The following PDE4D variants were observed in gnomAD, a reference collection of about 807,000 sequenced individuals.
PDE4D encodes 3',5'-cyclic-AMP phosphodiesterase 4D.
PDE4D carries 24 observed loss-of-function variants against 87.4 expected under a neutral mutation model. The observed-to-expected ratio is 0.27, with a 90% CI of 0.20 to 0.39. The LOEUF is 0.39. PDE4D is among the 10% of genes least tolerant of loss of function. PDE4D has a pLI of 1.00. For missense variants in PDE4D, 714 were observed against 1,041.0 expected (o/e 0.69, Z 4.32); for synonymous variants, 384 against 383.2 (o/e 1.00, Z -0.02).
chr5:60,509,858 C>T (rs981331747), intron 1 of PDE4D, among the ~76,000 whole-genome samples: 2 of 152,150 alleles, frequency 1.3e-5, no homozygotes, highest in African/African-American at 4.8e-5. Flanking sequence ...ATACTTGGCC[C>T]AGTGAGCCTC....
intron 1 of PDE4D, among the ~76,000 whole-genome samples, chr5:59,576,073 C>A (rs2153698155): frequency 6.6e-6 from 1 of 152,268 alleles, no homozygotes; most frequent in East Asian, 1.9e-4. Context: ...CCTAGGCAAC[C>A]TGGTTAACCA....
At chr5:59,252,537 T>C (rs11959567) in intron 1 of PDE4D, among the ~76,000 whole-genome samples, 48,098 of 151,238 alleles carry the variant, frequency 0.32, 8,171 homozygotes, top group Admixed American at 0.41. Flanking sequence ...GTTTTTTTTT[T>C]CCCCGAGATG....
intron 1 of PDE4D, among the ~76,000 whole-genome samples, chr5:59,418,275 C>T (rs1356207388): frequency 6.6e-6 from 1 of 152,274 alleles, no homozygotes; most frequent in African/African-American, 2.4e-5. Flanking sequence ...AATATAGTCT[C>T]ATTCTCCTTT....
chr5:59,617,445 T>G (rs1315426177), intron 1 of PDE4D, among the ~76,000 whole-genome samples: 1 of 152,180 alleles, frequency 6.6e-6, no homozygotes, highest in African/African-American at 2.4e-5. Flanking sequence ...AGAAATCATG[T>G]GTTGAAGTCC....
intron 2 of PDE4D, among the ~76,000 whole-genome samples, chr5:60,014,133 A>G (rs1397463953): frequency 2.6e-5 from 4 of 151,126 alleles, no homozygotes. Flanking sequence ...AGTCTGAATC[A>G]GCCATACTAT....
intron 1 of PDE4D, among the ~76,000 whole-genome samples, chr5:60,450,104 T>A (rs910640550): frequency 2.7e-5 from 4 of 149,742 alleles, no homozygotes; most frequent in African/African-American, 7.3e-5. Context: ...ATCTAAATAA[T>A]CAGAAGTTCA....
At chr5:59,477,472 T>C (rs982900373) in intron 1 of PDE4D, among the ~76,000 whole-genome samples, 4 of 151,842 alleles carry the variant, frequency 2.6e-5, no homozygotes, top group South Asian at 2.1e-4. Flanking sequence ...AAAAAATACA[T>C]TGGCTAGGTT....
In PDE4D at chr5:60,116,862, G is replaced by A. The variant is rs527357406; in HGVS notation, c.42+68695C>T. Among the ~76,000 whole-genome samples, 205 of 152,026 alleles carry A rather than the reference G, an allele frequency of 1.3e-3. 1 individual carries two copies. Among genetic ancestry groups the A allele is most frequent in the Non-Finnish European group, 2.5e-3 (167 of 67,954 alleles). On this transcript the variant is annotated intron_variant, in intron 2 of 16. Coordinates refer to the PDE4D transcript ENST00000502484. ...ATAAGTATAGCTACCTATGCAGAAC[G>A]GTATAAAGCAAGCAACATTTTTGTT...
chr5:59,189,104 A>G (rs760849488), intron 3 of PDE4D, among the ~76,000 whole-genome samples: 10 of 152,098 alleles, frequency 6.6e-5, no homozygotes, highest in Non-Finnish European at 1.5e-4. Context: ...AATATTGGTT[A>G]TATTTTATTA....
rs1438985186 is a variant in PDE4D, at chr5:59,623,677, G to A, written c.455+269491C>T. 4.6e-5 allele frequency among the ~76,000 whole-genome samples: 7 copies of A among 152,100 alleles called. No homozygotes were observed. In the East Asian group the frequency reaches 5.8e-4, roughly 13 times the overall value. ...CCTTTTATAAACCTTGATACCCACC[G>A]CCTTCTGTACCTTCTAGACTGTTGA... On this transcript the variant is annotated intron_variant, in intron 1 of 14. Transcript: ENST00000340635.
At chr5:60,068,272 G>A (rs1772328056) in intron 2 of PDE4D, among the ~76,000 whole-genome samples, 1 of 152,058 alleles carries the variant, frequency 6.6e-6, no homozygotes, top group South Asian at 2.1e-4. Flanking sequence ...ACTATAGTAG[G>A]TGTTAAGTGA....
intron 5 of PDE4D, among the ~76,000 whole-genome samples, chr5:59,055,461 C>T (rs942719474): frequency 1.3e-5 from 2 of 152,154 alleles, no homozygotes; most frequent in African/African-American, 2.4e-5. Flanking sequence ...CCATTATTCC[C>T]CTGTGGTTGA....
At chr5:59,816,501 A>C (rs1477602058) in intron 1 of PDE4D, among the ~76,000 whole-genome samples, 1 of 152,236 alleles carries the variant, frequency 6.6e-6, no homozygotes, top group Non-Finnish European at 1.5e-5. Context: ...TCCAGAAGAT[A>C]AAATAAGGCA....
intron 1 of PDE4D, among the ~76,000 whole-genome samples, chr5:60,378,236 C>T (rs1761577351): frequency 6.6e-6 from 1 of 152,080 alleles, no homozygotes; most frequent in African/African-American, 2.4e-5. Context: ...TTGTGTCTTC[C>T]CACTAGTAAA....
At chr5:59,617,396 C>T (rs1422166732) in intron 1 of PDE4D, among the ~76,000 whole-genome samples, 2 of 152,146 alleles carry the variant, frequency 1.3e-5, no homozygotes, top group Admixed American at 1.3e-4. Context: ...AATAGCACCA[C>T]GAATAAACCC....
chr5:59,849,503 TGA>T (rs1744363502), intron 1 of PDE4D, among the ~76,000 whole-genome samples: 1 of 152,024 alleles, frequency 6.6e-6, no homozygotes, highest in Non-Finnish European at 1.5e-5. Context: ...CTAGAAAATA[TGA>T]GTGTCCCCTG....
At chr5:60,164,565 G>C (rs773656571) in intron 2 of PDE4D, among the ~76,000 whole-genome samples, 1 of 152,114 alleles carries the variant, frequency 6.6e-6, no homozygotes, top group Admixed American at 6.6e-5. Context: ...CTGAATATCT[G>C]TGTCACTACT....
intron 1 of PDE4D, among the ~76,000 whole-genome samples, chr5:59,260,503 A>G (rs922213036): frequency 6.6e-6 from 1 of 151,866 alleles, no homozygotes; most frequent in African/African-American, 2.4e-5. Context: ...TGAATTACGA[A>G]AGCAAATGTG....
rs191815339 is a variant in PDE4D at position 59,851,940 on chromosome 5, G to A, written c.455+41228C>T. Among the ~76,000 whole-genome samples the A allele has an allele frequency of 5.3e-5, 8 of 152,162 alleles. No homozygotes were observed. In the East Asian group the frequency reaches 1.6e-3, roughly 30 times the overall value. On this transcript the variant is annotated intron_variant, in intron 1 of 14. Coordinates refer to ENST00000340635, the MANE Select transcript of PDE4D (RefSeq NM_001104631.2). ...GTTTCAACCTCGAGCTAAGAACCCA[G>A]CTACCCTTTGCCCACACTTCTGACC...
Sources: gnomAD v4.1 joint callset for allele counts (sites outside exome capture counted in the v4.1 genomes callset) on GRCh38, gnomAD v4.1.1 for gene constraint, MANE v1.5 for transcripts, NCBI Gene and HGNC (gene_info 2026-07-23, HGNC 2026-07-21) for gene names.